The following CPS1 variants were observed in gnomAD, a reference collection of about 807,000 sequenced individuals.
The protein encoded by CPS1 is carbamoyl-phosphate synthase 1, also known as carbamoyl-phosphate synthase [ammonia], mitochondrial.
A neutral mutation model predicts 174.6 loss-of-function variants in CPS1; 109 were observed. The observed-to-expected ratio is 0.62, with a 90% CI of 0.53 to 0.73. The LOEUF is 0.73. CPS1 is among the 30% of genes least tolerant of loss of function. CPS1 has a pLI of 0.00. For synonymous variants in CPS1, 637 were observed against 632.0 expected, an observed-to-expected ratio of 1.01 and a Z score of -0.12; for missense variants, 1,689 against 1,821.9, an observed-to-expected ratio of 0.93 and a Z score of 1.33.
intron 1 of CPS1, among the ~76,000 whole-genome samples, chr2:210,530,151 G>A (rs1219802130): frequency 1.3e-5 from 2 of 151,996 alleles, no homozygotes; most frequent in Non-Finnish European, 2.9e-5. Flanking sequence ...GGCATGGAGT[G>A]ATTTAGCTAA....
intron 27 of CPS1, among the ~76,000 whole-genome samples, chr2:210,649,450 TTAAACAAATG>T (rs965975551): frequency 6.6e-6 from 1 of 152,212 alleles, no homozygotes; most frequent in Non-Finnish European, 1.5e-5. Context: ...CCTTCCTCTC[TTAAACAAATG>T]AAGCAACTGA....
At chr2:210,498,809 C>T (rs1256999974) in intron 1 of CPS1, among the ~76,000 whole-genome samples, 2 of 152,014 alleles carry the variant, frequency 1.3e-5, no homozygotes, top group Non-Finnish European at 2.9e-5. Flanking sequence ...TGTAGAGGGC[C>T]TTGCTGGACC....
chr2:210,615,151 T>C (rs1699263709), intron 20 of CPS1, among the ~76,000 whole-genome samples: 1 of 151,960 alleles, frequency 6.6e-6, no homozygotes, highest in African/African-American at 2.4e-5. Context: ...AAAACCTCCT[T>C]TGATCTCTTA....
At chr2:210,554,424 T>C (rs1696837278), upstream of CPS1, among the ~76,000 whole-genome samples, 1 of 151,706 alleles carries the variant, frequency 6.6e-6, no homozygotes, top group African/African-American at 2.4e-5. Context: ...TTGTTGACAT[T>C]TCTATGGAAA....
At chr2:210,531,003 A>C (rs1022057458) in intron 1 of CPS1, among the ~76,000 whole-genome samples, 1 of 152,070 alleles carries the variant, frequency 6.6e-6, no homozygotes, top group Admixed American at 6.6e-5. Flanking sequence ...CTTTATTCTT[A>C]AGTATTGTTT....
At chr2:210,514,825 G>A (rs1409851085) in intron 1 of CPS1, among the ~76,000 whole-genome samples, 1 of 147,244 alleles carries the variant, frequency 6.8e-6, no homozygotes. Flanking sequence ...TGCTGGTTGT[G>A]CATTTGTCAT....
intron 1 of CPS1, among the ~76,000 whole-genome samples, chr2:210,560,836 TGG>T (rs1044077387): frequency 6.6e-6 from 1 of 151,920 alleles, no homozygotes; most frequent in African/African-American, 2.4e-5. Flanking sequence ...GATGTAAGAG[TGG>T]GGATGGGGTT....
chr2:210,637,599 A>G lies in CPS1; in HGVS notation c.2688-103A>G. The G allele has an allele frequency of 1.9e-5, 22 of 1,164,046 alleles. 1 individual carries two copies. In the South Asian group the frequency reaches 2.7e-4, roughly 15 times the overall value. The allele number at this position is 1,164,046 out of a possible 1,614,324, so 72.1% of individuals were successfully genotyped here. A position where few individuals can be genotyped will look rare whatever the true frequency, so the allele number is the denominator to read the frequency against. On this transcript the variant is annotated intron_variant, in intron 21 of 37. Transcript: ENST00000233072. ...GATAACAAGACTTAAATATGTTTGA[A>G]GGTGGAAAATAAGAAGCCCTTGGTG...
rs55986465 is a variant in CPS1 at position 210,577,274 on chromosome 2, A to AT, written c.382-134dup. The AT allele has an allele frequency of 0.037, 20,637 of 559,800 alleles. 150 individuals carry two copies. Among genetic ancestry groups the AT allele is most frequent in the African/African-American group, 0.089 (4,550 of 50,896 alleles). 34.7% of individuals were successfully genotyped at this position (559,800 alleles called of 1,614,324 possible). A position where few individuals can be genotyped will look rare whatever the true frequency, so the allele number is the denominator to read the frequency against. ...TACATATTTTAAAAGAAGGGCATTGATTTTTTTTTTTTTGCCTCTTGTTTT... is the reference window on the plus strand; with the variant it reads ...TACATATTTTAAAAGAAGGGCATTGATTTTTTTTTTTTTTGCCTCTTGTTTT... On this transcript the variant is annotated intron_variant, in intron 3 of 37. Transcript: ENST00000233072.
chr2:210,545,523 G>A (rs1375236494), intron 1 of CPS1, among the ~76,000 whole-genome samples: 3 of 151,874 alleles, frequency 2.0e-5, no homozygotes, highest in Non-Finnish European at 4.4e-5. Context: ...AATTTCATAA[G>A]TTTTTGAGAT....
intron 1 of CPS1, among the ~76,000 whole-genome samples, chr2:210,485,240 A>AAAAT (rs1694683662): frequency 1.7e-5 from 2 of 116,222 alleles, no homozygotes; most frequent in Non-Finnish European, 2.1e-5. Context: ...TCAAAAAAAA[A>AAAAT]AAAAATAAAA....
chr2:210,668,796 C>T lies in CPS1; in HGVS notation c.4101+512C>T, dbSNP rs552323690. 4.6e-5 allele frequency among the ~76,000 whole-genome samples: 7 copies of T among 152,282 alleles called. No individual in the cohort carries two copies. In the South Asian group the frequency reaches 1.4e-3, roughly 32 times the overall value. On this transcript the variant is annotated intron_variant, in intron 34 of 37. Coordinates refer to ENST00000233072, the MANE Select transcript of CPS1 (RefSeq NM_001875.5). ...TCAGCCATCCCATATTTCCAACAATCTGCTGGATACCTCCACTTGAATATC... is the reference window on the plus strand; with the variant it reads ...TCAGCCATCCCATATTTCCAACAATTTGCTGGATACCTCCACTTGAATATC...
intron 1 of CPS1, among the ~76,000 whole-genome samples, chr2:210,488,243 A>T (rs1694779558): frequency 6.6e-6 from 1 of 152,156 alleles, no homozygotes; most frequent in Non-Finnish European, 1.5e-5. Flanking sequence ...GAACCGAATC[A>T]TACTTTTTGT....
chr2:210,576,210 G>GTACGT, intron 2 of CPS1, 136 bp from the exon 3 acceptor site: 1 of 997,098 alleles, frequency 1.0e-6, no homozygotes, highest in Non-Finnish European at 1.6e-6. Flanking sequence ...ATTTCCCCAG[G>GTACGT]TACGTTAAAA....
chr2:210,657,401 T>G (rs1173604818), intron 30 of CPS1: 1 of 151,766 alleles, frequency 6.6e-6, no homozygotes, highest in Non-Finnish European at 1.5e-5. Context: ...AGCTCCGCCT[T>G]CCGGGTTCAC....
At chr2:210,518,373 G>T (rs577620467) in intron 1 of CPS1, among the ~76,000 whole-genome samples, 7 of 152,032 alleles carry the variant, frequency 4.6e-5, no homozygotes, top group African/African-American at 1.7e-4. Context: ...TTTTCAAGTA[G>T]GTAGATGCGT....
At chr2:210,487,223 C>T (rs1172636433) in intron 1 of CPS1, among the ~76,000 whole-genome samples, 4 of 152,142 alleles carry the variant, frequency 2.6e-5, no homozygotes, top group Admixed American at 6.6e-5. Flanking sequence ...TTTGTCTTTT[C>T]GTGTGGCTTC....
At chr2:210,507,942 C>A (rs964319551) in intron 1 of CPS1, among the ~76,000 whole-genome samples, 1 of 151,760 alleles carries the variant, frequency 6.6e-6, no homozygotes, top group African/African-American at 2.4e-5. Flanking sequence ...GACTTTAACA[C>A]CCCACTGTCA....
At chr2:210,612,377 A>C (rs1453185241) in intron 20 of CPS1, 84 bp downstream of exon 20, 1 of 1,529,820 alleles carries the variant, frequency 6.5e-7, no homozygotes, top group South Asian at 1.1e-5. Flanking sequence ...ACTGAATCAC[A>C]AAGTGGTTTT....
Sources: allele counts gnomAD v4.1 joint callset (sites outside exome capture counted in the v4.1 genomes callset), GRCh38; gene constraint gnomAD v4.1.1; transcripts MANE v1.5; gene names NCBI Gene and HGNC (gene_info 2026-07-23, HGNC 2026-07-21).